The following FIGN variants were observed in gnomAD, a reference collection of about 807,000 sequenced individuals.
The protein encoded by FIGN is fidgetin, microtubule severing factor.
Under a neutral mutation model 51.3 loss-of-function variants are expected in FIGN, and 11 were observed. The observed-to-expected ratio is 0.21, with a 90% CI of 0.13 to 0.35. The LOEUF (loss-of-function observed/expected upper bound fraction) is 0.35. Ranked by LOEUF, FIGN falls within the 10% of genes least tolerant of loss-of-function variation. The pLI is 1.00. For synonymous variants in FIGN, 407 were observed against 363.2 expected (o/e 1.12, Z -1.37); for missense variants, 857 against 943.6 (o/e 0.91, Z 1.20).
chr2:163,723,607 G>A (rs1251431283), intron 2 of FIGN, among the ~76,000 whole-genome samples: 1 of 152,144 alleles, frequency 6.6e-6, no homozygotes, highest in East Asian at 1.9e-4. Flanking sequence ...ATGCCAGGAA[G>A]CAAAAAGAAG....
At chr2:163,674,062 C>T (rs1683920467) in intron 2 of FIGN, among the ~76,000 whole-genome samples, 1 of 152,122 alleles carries the variant, frequency 6.6e-6, no homozygotes, top group Non-Finnish European at 1.5e-5. Context: ...CTGAATGCAG[C>T]TATTATACAC....
At chr2:163,673,098 T>A (rs1683904394) in intron 2 of FIGN, among the ~76,000 whole-genome samples, 1 of 152,044 alleles carries the variant, frequency 6.6e-6, no homozygotes, top group East Asian at 1.9e-4. Context: ...AAAATATTAT[T>A]CAAAATAAAA....
At chr2:163,667,718 G>T (rs577850299) in intron 2 of FIGN, among the ~76,000 whole-genome samples, 1 of 152,172 alleles carries the variant, frequency 6.6e-6, no homozygotes, top group African/African-American at 2.4e-5. Context: ...TTCCCCTTGG[G>T]ATTAATCATA....
chr2:163,732,552 C>G (rs957764093), intron 2 of FIGN, among the ~76,000 whole-genome samples: 1 of 152,108 alleles, frequency 6.6e-6, no homozygotes, highest in Non-Finnish European at 1.5e-5. Flanking sequence ...AAGAAGCCAG[C>G]CATCACTAAA....
Position 163,611,695 on chromosome 2 carries a change from A to C in FIGN, c.137T>G (p.Leu46Arg), listed in dbSNP as rs1558995252. Reference protein sequence around the residue: ...AHKVEAYRGHLQRTYQYAWAN... With the variant: ...AHKVEAYRGHRQRTYQYAWAN... Reference sequence around the variant, plus strand: ...CCAGGCGTACTGATAGGTGCGCTGCAGATGACCTCTGTAGGCTTCAACTTT... The same window carrying C: ...CCAGGCGTACTGATAGGTGCGCTGCCGATGACCTCTGTAGGCTTCAACTTT... The change falls in exon 3 of 3, where the codon CTG (leucine) becomes CGG (arginine). Residue 46 changes from leucine (L) to arginine (R), a missense_variant. Transcript: ENST00000333129. 2 of 1,614,228 alleles carry C rather than the reference A, an allele frequency of 1.2e-6. No homozygotes were observed. Among genetic ancestry groups the C allele is most frequent in the Admixed American group, 1.7e-5 (1 of 60,024 alleles).
chr2:163,708,848 G>A (rs1684543006), intron 2 of FIGN, among the ~76,000 whole-genome samples: 1 of 152,080 alleles, frequency 6.6e-6, no homozygotes, highest in Admixed American at 6.6e-5. Flanking sequence ...ACTACCCCAA[G>A]TAAGGAAGTT....
chr2:163,720,136 C>T (rs1684733556), intron 2 of FIGN, among the ~76,000 whole-genome samples: 2 of 152,118 alleles, frequency 1.3e-5, no homozygotes, highest in Non-Finnish European at 2.9e-5. Context: ...ATAAGCCAAG[C>T]CCCGTTTCCA....
intron 2 of FIGN, among the ~76,000 whole-genome samples, chr2:163,624,790 C>A (rs1250313117): frequency 6.6e-6 from 1 of 150,768 alleles, no homozygotes. Flanking sequence ...TTTGCACCAC[C>A]AAAGATGCTT....
At chr2:163,718,387 T>C (rs1232630488) in intron 2 of FIGN, among the ~76,000 whole-genome samples, 1 of 152,170 alleles carries the variant, frequency 6.6e-6, no homozygotes, top group Non-Finnish European at 1.5e-5. Context: ...TTGATTTCAT[T>C]TGGATGTAAC....
At chr2:163,729,077 A>G (rs1559035158) in intron 2 of FIGN, among the ~76,000 whole-genome samples, 1 of 152,192 alleles carries the variant, frequency 6.6e-6, no homozygotes, top group Non-Finnish European at 1.5e-5. Context: ...ATGAAAGTAG[A>G]GTTTACCCAT....
At chr2:163,703,548 A>C (rs1684442954) in intron 2 of FIGN, among the ~76,000 whole-genome samples, 1 of 152,152 alleles carries the variant, frequency 6.6e-6, no homozygotes, top group African/African-American at 2.4e-5. Context: ...TTTTCCCATC[A>C]AGGACTGCTG....
chr2:163,638,895 G>C (rs561225880), intron 2 of FIGN, among the ~76,000 whole-genome samples: 11 of 150,982 alleles, frequency 7.3e-5, no homozygotes, highest in Non-Finnish European at 8.9e-5. Flanking sequence ...TTTCCTTTAT[G>C]AGTTTTTCTC....
At chr2:163,716,221 A>C (rs990525568) in intron 2 of FIGN, among the ~76,000 whole-genome samples, 3 of 152,218 alleles carry the variant, frequency 2.0e-5, no homozygotes, top group African/African-American at 7.2e-5. Context: ...TAATTACTGG[A>C]GCAGATCTAT....
At chr2:163,684,577 C>A (rs1011174923) in intron 2 of FIGN, among the ~76,000 whole-genome samples, 1 of 152,140 alleles carries the variant, frequency 6.6e-6, no homozygotes, top group East Asian at 1.9e-4. Context: ...CTCTTTCAAG[C>A]ACACAATCTA....
At position 163,671,228 on chromosome 2, in the gene FIGN, C is replaced by G. The variant is rs10202589; in HGVS notation, c.26-59422G>C. ...TACACTCTCTCAATTGGCAAATATT[C>G]CATGTGTAGCACAGTTGAGGAGGTT... On this transcript the variant is annotated intron_variant, in intron 2 of 2. Transcript: ENST00000333129. Among the ~76,000 whole-genome samples, 1,362 of 152,204 alleles carry G rather than the reference C, an allele frequency of 8.9e-3. 24 individuals are homozygous for G. The highest frequency in any genetic ancestry group is 0.031 in the African/African-American group (1,296 of 41,498).
At chr2:163,713,574 CT>C (rs1424540960) in intron 2 of FIGN, among the ~76,000 whole-genome samples, 2 of 152,122 alleles carry the variant, frequency 1.3e-5, no homozygotes, top group Non-Finnish European at 2.9e-5. Flanking sequence ...TGTAATCCCC[CT>C]TCACATCAGT....
chr2:163,707,739 A>C (rs2105354655), intron 2 of FIGN, among the ~76,000 whole-genome samples: 1 of 152,244 alleles, frequency 6.6e-6, no homozygotes, highest in South Asian at 2.1e-4. Flanking sequence ...TAAAAAAGTG[A>C]AACTATCTGT....
rs1691056009 is a variant in FIGN, at chr2:163,604,936, C to CTTTTTTTGTTTTTTTT, written c.*4615_*4616insAAAAAAAACAAAAAAA. On this transcript the variant is annotated 3_prime_UTR_variant, in exon 3 of 3. Coordinates refer to ENST00000333129, the MANE Select transcript of FIGN (RefSeq NM_018086.4). ...TTTTAAGCCCAGAAATAAACTTTTGCTTTTTTTTTTTTTTTTTTTGTATCA... is the reference window on the plus strand; with the variant it reads ...TTTTAAGCCCAGAAATAAACTTTTGCTTTTTTTGTTTTTTTTTTTTTTTTTTTTTTTTTTTGTATCA... The CTTTTTTTGTTTTTTTT allele has an allele frequency of 1.1e-5, 1 of 94,256 alleles. No homozygotes were observed. Among genetic ancestry groups the CTTTTTTTGTTTTTTTT allele is most frequent in the Non-Finnish European group, 1.9e-5 (1 of 53,124 alleles). 5.8% of individuals were successfully genotyped at this position (94,256 alleles called of 1,614,324 possible). A position where few individuals can be genotyped will look rare whatever the true frequency, so the allele number is the denominator to read the frequency against.
intron 2 of FIGN, among the ~76,000 whole-genome samples, chr2:163,689,427 C>G (rs1684204975): frequency 6.6e-6 from 1 of 152,012 alleles, no homozygotes; most frequent in Non-Finnish European, 1.5e-5. Flanking sequence ...TTTATCTATA[C>G]CTACTGAAAT....
Sources: gnomAD v4.1 joint callset for allele counts (sites outside exome capture counted in the v4.1 genomes callset) on GRCh38, gnomAD v4.1.1 for gene constraint, MANE v1.5 for transcripts, NCBI Gene and HGNC (gene_info 2026-07-23, HGNC 2026-07-21) for gene names.